The following RIF1 variants were observed in gnomAD, a reference collection of about 807,000 sequenced individuals.
The protein encoded by RIF1 is telomere-associated protein RIF1.
In RIF1, 45 loss-of-function variants were observed where a neutral mutation model predicts 247.1. That is an observed-to-expected ratio of 0.18 (90% CI 0.14 to 0.23). The LOEUF (loss-of-function observed/expected upper bound fraction) is 0.23. RIF1 is among the 10% of genes least tolerant of loss of function. The probability of loss-of-function intolerance (pLI) is 1.00; values close to 1 mark genes in which losing one functional copy is unlikely to be tolerated. For synonymous variants in RIF1, 1,087 were observed against 978.8 expected, an observed-to-expected ratio of 1.11 and a Z score of -2.06; for missense variants, 2,967 against 2,862.5, an observed-to-expected ratio of 1.04 and a Z score of -0.83.
chr2:151,482,666 A>AAAC (rs751915789), downstream of RIF1, among the ~76,000 whole-genome samples: 2 of 152,178 alleles, frequency 1.3e-5, no homozygotes, highest in Non-Finnish European at 2.9e-5. Flanking sequence ...GTTTTAAGGA[A>AAAC]AACAACAACA....
chr2:151,446,515 C>T lies in RIF1; in HGVS notation c.2184C>T (p.Asn728=). 1.2e-6 allele frequency: 2 copies of T among 1,613,608 alleles called. No individual in the cohort carries two copies. Among genetic ancestry groups the T allele is most frequent in the South Asian group, 1.1e-5 (1 of 90,820 alleles). The change falls in exon 20 of 36, where the codon AAC becomes AAT. Residue 728 remains asparagine, a synonymous_variant. Transcript: ENST00000444746. The stretch of plus-strand genomic sequence containing the variant: ...CTTTGGTGGCAACAGCAGAAGAGAA[C>T]TTGTGCTGTGAGGAACTTTCTTCCA... ...CAALVATAEE[N]LCCEELSSKI...
intron 9 of RIF1, among the ~76,000 whole-genome samples, chr2:151,432,629 A>T (rs987626160): frequency 1.3e-5 from 2 of 152,200 alleles, no homozygotes; most frequent in African/African-American, 4.8e-5. Context: ...AATGGGGATA[A>T]TGAGAATGCT....
intron 20 of RIF1, among the ~76,000 whole-genome samples, chr2:151,447,806 G>A (rs528924789): frequency 1.8e-4 from 27 of 152,230 alleles, no homozygotes; most frequent in Non-Finnish European, 1.6e-4. Context: ...CTCCCAAAGT[G>A]CTAGGATTAC....
chr2:151,486,642 A>G (rs986875400), downstream of RIF1: 3 of 152,298 alleles, frequency 2.0e-5, no homozygotes, highest in Non-Finnish European at 4.4e-5. Context: ...GATCTGGTAT[A>G]TCCATACAGA....
At chr2:151,435,744 A>G (rs1691056817) in intron 11 of RIF1, among the ~76,000 whole-genome samples, 164 bp downstream of exon 11, 1 of 151,326 alleles carries the variant, frequency 6.6e-6, no homozygotes, top group South Asian at 2.1e-4. Context: ...CAAAAAATCC[A>G]TTATCATGTT....
At chr2:151,497,603 T>G in intron 10 of RIF1, 1 of 1,550,508 alleles carries the variant, frequency 6.4e-7, no homozygotes, top group Non-Finnish European at 8.7e-7. Context: ...ATAAGTAGTT[T>G]TTTTCTTTTC....
At chr2:151,426,965 C>G (rs1278556115) in intron 8 of RIF1, among the ~76,000 whole-genome samples, 1 of 151,760 alleles carries the variant, frequency 6.6e-6, no homozygotes, top group Non-Finnish European at 1.5e-5. Context: ...TAATTTCTTT[C>G]AGCAGTGCTT....
the RIF1 span, chr2:151,530,771 G>C: frequency 2.5e-6 from 1 of 398,388 alleles, no homozygotes; most frequent in Non-Finnish European, 4.5e-6. Context: ...GGATGTCCTG[G>C]CTTGACTGAG....
At position 151,500,143 on chromosome 2, in the gene RIF1, T is replaced by TAAC. The variant is rs140864353; in HGVS notation, c.*709+605_*709+607dup. 0.013 allele frequency among the ~76,000 whole-genome samples: 1,990 copies of TAAC among 152,182 alleles called. 77 individuals are homozygous for TAAC. In the East Asian group the frequency reaches 0.14, roughly 11 times the overall value. On this transcript the variant is annotated intron_variant and NMD_transcript_variant, in intron 11 of 13. Coordinates refer to the RIF1 transcript ENST00000454583. ...GAGTATAACATTCCAAAAGACATAT[T>TAAC]AACATTGAAAATTTAACAAAATTGA...
intron 9 of RIF1, among the ~76,000 whole-genome samples, chr2:151,429,454 A>G (rs1689678432): frequency 6.6e-6 from 1 of 152,242 alleles, no homozygotes; most frequent in South Asian, 2.1e-4. Flanking sequence ...TGCTGGGATT[A>G]CAGGCGTGAG....
In RIF1 at chr2:151,420,245, C is replaced by A; in HGVS notation, c.559C>A (p.Leu187Met). Residue 187 changes from leucine (L) to methionine (M), a missense_variant, in exon 7 of 36, where the codon CTG becomes ATG. Physicochemically the swap from Leu to Met is conservative, Grantham distance 15. This residue lies in a region of RIF1 where 269 missense variants were observed against 288.6 expected (regional missense o/e 0.93). Coordinates refer to ENST00000444746, the MANE Select transcript of RIF1 (RefSeq NM_018151.5). ...AGAAGAGGCAGTGAGGTGGGCAAAA[C>A]TGGTCATACCTTTAGTGGTTCATTC... ...MGEEAVRWAK[L>M]VIPLVVHSAQ... 6.2e-7 allele frequency: 1 copy of A among 1,614,082 alleles called. No individual in the cohort carries two copies. Among genetic ancestry groups the A allele is most frequent in the East Asian group, 2.2e-5 (1 of 44,874 alleles).
intron 20 of RIF1, among the ~76,000 whole-genome samples, chr2:151,448,161 C>T (rs557922111): frequency 6.6e-6 from 1 of 151,728 alleles, no homozygotes; most frequent in African/African-American, 2.4e-5. Context: ...TCAAGTGATT[C>T]TCCTCCCTAG....
chr2:151,513,587 G>A, the RIF1 span: 1 of 1,603,352 alleles, frequency 6.2e-7, no homozygotes, highest in Non-Finnish European at 8.5e-7. Context: ...GACCTGACTG[G>A]CAATATCAGT....
chr2:151,427,700 C>T (rs1689361181), intron 8 of RIF1, among the ~76,000 whole-genome samples: 1 of 149,220 alleles, frequency 6.7e-6, no homozygotes, highest in South Asian at 2.1e-4. Context: ...GCGGGTGGGT[C>T]ACTTGAGGTC....
the RIF1 span, chr2:151,518,438 C>CA: frequency 6.8e-7 from 1 of 1,473,798 alleles, no homozygotes. Flanking sequence ...GGGAAGGCGG[C>CA]AAAAAAGGCA....
At chr2:151,469,960 G>T in intron 34 of RIF1, 96 bp downstream of exon 34, 2 of 816,524 alleles carry the variant, frequency 2.4e-6, no homozygotes, top group Non-Finnish European at 3.7e-6. Context: ...AATGGCACAG[G>T]GAAATTGATT....
intron 21 of RIF1, among the ~76,000 whole-genome samples, chr2:151,452,380 A>G (rs1181924928): frequency 6.6e-6 from 1 of 152,230 alleles, no homozygotes; most frequent in African/African-American, 2.4e-5. Flanking sequence ...AGGTAGTGAT[A>G]ATCTGTCATT....
chr2:151,441,428 AAAT>A (rs1692275766), intron 15 of RIF1, among the ~76,000 whole-genome samples: 1 of 152,244 alleles, frequency 6.6e-6, no homozygotes, highest in Non-Finnish European at 1.5e-5. Context: ...ATGGTTGAAT[AAAT>A]AATGGACATT....
At chr2:151,513,614 A>G in the RIF1 span, 2 of 1,610,094 alleles carry the variant, frequency 1.2e-6, no homozygotes, top group Non-Finnish European at 1.7e-6. Context: ...CCTGGCCCTC[A>G]TAAAATCCGG....
Sources: gnomAD v4.1 joint callset for allele counts (sites outside exome capture counted in the v4.1 genomes callset) on GRCh38, gnomAD v4.1.1 for gene constraint, gnomAD v4.1.1 regional missense constraint, MANE v1.5 for transcripts, NCBI Gene and HGNC (gene_info 2026-07-23, HGNC 2026-07-21) for gene names.